Variants in PRKACB observed in about 807,000 individuals in gnomAD.
The protein encoded by PRKACB is protein kinase cAMP-activated catalytic subunit beta.
Under a neutral mutation model 51.4 loss-of-function variants are expected in PRKACB, and 16 were observed. That is an observed-to-expected ratio of 0.31 (90% confidence interval 0.21 to 0.47). The LOEUF (loss-of-function observed/expected upper bound fraction) is 0.47, where lower values mean the gene tolerates loss of function less well. PRKACB is among the 20% of genes least tolerant of loss of function. The pLI is 1.00. For synonymous variants in PRKACB, 147 were observed against 154.4 expected (o/e 0.95, Z 0.35); for missense variants, 309 against 464.5 (o/e 0.67, Z 3.08).
chr1:84,114,064 C>G (rs1051207703), intron 1 of PRKACB, among the ~76,000 whole-genome samples: 1 of 151,920 alleles, frequency 6.6e-6, no homozygotes, highest in African/African-American at 2.4e-5. Context: ...GATGGTAGAC[C>G]AACACTTGTA....
intron 9 of PRKACB, among the ~76,000 whole-genome samples, chr1:84,223,992 T>C (rs1208059777): frequency 1.3e-5 from 2 of 152,226 alleles, no homozygotes; most frequent in African/African-American, 4.8e-5. Context: ...AAGACTTTTT[T>C]CTGTGGATGT....
intron 5 of PRKACB, among the ~76,000 whole-genome samples, chr1:84,186,743 C>G (rs2101046545): frequency 6.6e-6 from 1 of 152,174 alleles, no homozygotes; most frequent in East Asian, 1.9e-4. Context: ...GTCTCTGTCC[C>G]ACATATGAGA....
chr1:84,199,061 G>T, intron 7 of PRKACB, among the ~76,000 whole-genome samples: 1 of 48,970 alleles, frequency 2.0e-5, no homozygotes, highest in East Asian at 4.9e-4. Flanking sequence ...ATATATATGC[G>T]TATATATGCA....
chr1:84,220,764 C>T (rs1366453547), intron 9 of PRKACB, among the ~76,000 whole-genome samples: 3 of 152,028 alleles, frequency 2.0e-5, no homozygotes, highest in Non-Finnish European at 4.4e-5. Flanking sequence ...ATATATTGAC[C>T]CATCCTTGCA....
At chr1:84,192,368 T>C (rs1053441478) in intron 5 of PRKACB, among the ~76,000 whole-genome samples, 2 of 152,198 alleles carry the variant, frequency 1.3e-5, no homozygotes, top group African/African-American at 4.8e-5. Flanking sequence ...CTCAATTCTT[T>C]GTCCCTGAAG....
intron 8 of PRKACB, among the ~76,000 whole-genome samples, chr1:84,208,993 C>A (rs1036381296): frequency 4.6e-5 from 7 of 152,108 alleles, no homozygotes; most frequent in Admixed American, 1.3e-4. Context: ...ACTCTCTAGT[C>A]CTATATGTAG....
chr1:84,194,666 C>T (rs1667703696), intron 5 of PRKACB, among the ~76,000 whole-genome samples: 1 of 152,130 alleles, frequency 6.6e-6, no homozygotes, highest in African/African-American at 2.4e-5. Context: ...TCATGTAAGC[C>T]TGTAATCCCA....
chr1:84,234,412 C>T (rs1572621440), intron 9 of PRKACB, among the ~76,000 whole-genome samples: 1 of 152,228 alleles, frequency 6.6e-6, no homozygotes, highest in African/African-American at 2.4e-5. Flanking sequence ...CAGAGGCAGG[C>T]AGGCCTCCTT....
intron 8 of PRKACB, among the ~76,000 whole-genome samples, chr1:84,203,508 A>T (rs1050289769): frequency 1.8e-4 from 27 of 151,960 alleles, no homozygotes; most frequent in African/African-American, 6.5e-4. Flanking sequence ...CAGACCTCGG[A>T]TCTTTTTTTA....
At chr1:84,231,664 C>T (rs1001350743) in intron 9 of PRKACB, among the ~76,000 whole-genome samples, 20 of 151,840 alleles carry the variant, frequency 1.3e-4, no homozygotes, top group Non-Finnish European at 2.6e-4. Context: ...GTGTATGTGT[C>T]GAGGAATTTA....
intron 1 of PRKACB, among the ~76,000 whole-genome samples, chr1:84,146,983 A>G (rs1480341312): frequency 1.3e-5 from 2 of 152,064 alleles, no homozygotes; most frequent in Non-Finnish European, 2.9e-5. Context: ...TTTTTGTTCC[A>G]ACTCAGAATG....
chr1:84,156,907 A>C (rs1294171948), intron 1 of PRKACB, among the ~76,000 whole-genome samples: 1 of 152,004 alleles, frequency 6.6e-6, no homozygotes, highest in African/African-American at 2.4e-5. Flanking sequence ...AGCATTCACT[A>C]TTTCTGTTGC....
At chr1:84,192,626 G>A (rs959511053) in intron 5 of PRKACB, among the ~76,000 whole-genome samples, 4 of 152,060 alleles carry the variant, frequency 2.6e-5, no homozygotes, top group African/African-American at 4.8e-5. Flanking sequence ...ACTTGTCTCC[G>A]CTAGCTTTGA....
chr1:84,223,370 GTTT>G (rs976444186), intron 9 of PRKACB, among the ~76,000 whole-genome samples: 1 of 21,454 alleles, frequency 4.7e-5, no homozygotes, highest in African/African-American at 8.3e-5. Context: ...GTTTTTTTTT[GTTT>G]TTTTGTTTTT....
intron 1 of PRKACB, among the ~76,000 whole-genome samples, chr1:84,158,509 A>G (rs1286466754): frequency 6.6e-6 from 1 of 152,168 alleles, no homozygotes; most frequent in African/African-American, 2.4e-5. Context: ...CCCACTTTCA[A>G]AATTGAGTCG....
chr1:84,129,135 A>T (rs2100546305), intron 1 of PRKACB, among the ~76,000 whole-genome samples: 1 of 152,292 alleles, frequency 6.6e-6, no homozygotes, highest in East Asian at 1.9e-4. Context: ...GTGAGATTAA[A>T]TAAATTTCCA....
At chr1:84,191,204 G>A (rs1165943306) in intron 5 of PRKACB, among the ~76,000 whole-genome samples, 2 of 152,106 alleles carry the variant, frequency 1.3e-5, no homozygotes, top group African/African-American at 2.4e-5. Flanking sequence ...CCACTTGTAA[G>A]GCTGATCTGG....
intron 5 of PRKACB, among the ~76,000 whole-genome samples, chr1:84,193,136 G>A (rs114218897): frequency 2.0e-4 from 31 of 152,158 alleles, no homozygotes; most frequent in East Asian, 5.8e-4. Context: ...GGCAAAAGAC[G>A]CCTCTCAAAC....
At chr1:84,228,288 G>C (rs1001421227) in intron 9 of PRKACB, among the ~76,000 whole-genome samples, 2 of 152,126 alleles carry the variant, frequency 1.3e-5, no homozygotes, top group Admixed American at 1.3e-4. Flanking sequence ...TAATGAAAGG[G>C]ATATAAATTA....
Sources: gnomAD v4.1 joint callset for allele counts (sites outside exome capture counted in the v4.1 genomes callset) on GRCh38, gnomAD v4.1.1 for gene constraint, MANE v1.5 for transcripts, NCBI Gene and HGNC (gene_info 2026-07-23, HGNC 2026-07-21) for gene names.